The following HNRNPUL1 variants were observed in gnomAD, a reference collection of about 807,000 sequenced individuals.
HNRNPUL1 encodes heterogeneous nuclear ribonucleoprotein U like 1.
HNRNPUL1 carries 14 observed loss-of-function variants against 108.5 expected under a neutral mutation model. The ratio of observed to expected loss-of-function variants is 0.13; its 90% CI spans 0.09 to 0.20. The LOEUF is 0.20. Among genes scored for constraint, HNRNPUL1 ranks in the 10% least tolerant of loss-of-function variants. HNRNPUL1 has a pLI of 1.00. For missense variants in HNRNPUL1, 804 were observed against 1,168.3 expected (o/e 0.69, Z 4.55); for synonymous variants, 422 against 445.2 (o/e 0.95, Z 0.66).
intron 5 of HNRNPUL1, 41 bp from the exon 6 acceptor site, chr19:41,279,036 C>T (rs1052304977): frequency 6.1e-6 from 9 of 1,463,522 alleles, no homozygotes; most frequent in African/African-American, 1.4e-5. Flanking sequence ...CCTACGGCCT[C>T]CAGAGAAGCA....
intron 10 of HNRNPUL1, 61 bp from the exon 11 acceptor site, chr19:41,301,475 C>T: frequency 1.4e-6 from 2 of 1,465,836 alleles, no homozygotes; most frequent in African/African-American, 2.8e-5. Flanking sequence ...TAATACCCCT[C>T]AGAGGAAAAA....
intron 7 of HNRNPUL1, among the ~76,000 whole-genome samples, chr19:41,282,866 T>C (rs2035985414): frequency 6.8e-6 from 1 of 146,962 alleles, no homozygotes; most frequent in African/African-American, 2.5e-5. Flanking sequence ...ATTTTTTGTA[T>C]TTTTTTTTTA....
rs1215017935 is a variant in HNRNPUL1 at position 41,264,503 on chromosome 19, C to T, written c.-1C>T. ...CGGGGGCCACCCCGGGGGCCCGGGC[C>T]ATGGATGTGCGCCGTCTGAAGGTGA... On this transcript the variant is annotated 5_prime_UTR_variant, in exon 1 of 15. Transcript: ENST00000392006. 5.7e-6 allele frequency: 8 copies of T among 1,398,196 alleles called. No homozygotes were observed. The highest frequency in any genetic ancestry group is 1.5e-5 in the African/African-American group (1 of 66,410). The allele number at this position is 1,398,196 out of a possible 1,614,324, so 86.6% of individuals were successfully genotyped here. A position where few individuals can be genotyped will look rare whatever the true frequency, so the allele number is the denominator to read the frequency against.
chr19:41,289,119 G>A (rs1177295754), intron 7 of HNRNPUL1, among the ~76,000 whole-genome samples: 1 of 152,040 alleles, frequency 6.6e-6, no homozygotes. Flanking sequence ...CAGAGTATGA[G>A]GTTCTTTTGG....
At chr19:41,284,543 G>T (rs1467816168) in intron 7 of HNRNPUL1, among the ~76,000 whole-genome samples, 1 of 152,010 alleles carries the variant, frequency 6.6e-6, no homozygotes, top group Admixed American at 6.6e-5. Context: ...GGTGATGCAC[G>T]CCTGTAGTCC....
At chr19:41,281,357 T>G in intron 7 of HNRNPUL1, 82 bp downstream of exon 7, 1 of 853,474 alleles carries the variant, frequency 1.2e-6, no homozygotes, top group Non-Finnish European at 2.0e-6. Flanking sequence ...CTATCCATTG[T>G]CTGCCCCATA....
Position 41,264,807 on chromosome 19 carries a change from G to T in HNRNPUL1, c.295+9G>T, listed in dbSNP as rs2034708575. ...GGGGCCGGACGGACATTGTGAGAGT[G>T]CGCGGGGCGGGGGCCGGGGAGCCCG... On this transcript the variant is annotated intron_variant, in intron 1 of 14. Coordinates refer to ENST00000392006, the MANE Select transcript of HNRNPUL1 (RefSeq NM_007040.6). 7.4e-7 allele frequency: 1 copy of T among 1,344,924 alleles called. No homozygotes were observed. The highest frequency in any genetic ancestry group is 3.8e-5 in the Admixed American group (1 of 26,458). 83.3% of individuals were successfully genotyped at this position (1,344,924 alleles called of 1,614,324 possible). A position where few individuals can be genotyped will look rare whatever the true frequency, so the allele number is the denominator to read the frequency against.
In HNRNPUL1 at chr19:41,294,187, G is replaced by A. The variant is rs573805535; in HGVS notation, c.1267-151G>A. On this transcript the variant is annotated intron_variant, in intron 8 of 14. Coordinates refer to ENST00000392006, the MANE Select transcript of HNRNPUL1 (RefSeq NM_007040.6). The surrounding 1 kb of genome is among the most constrained non-coding windows in gnomAD (Gnocchi z 4.3). The stretch of plus-strand genomic sequence containing the variant: ...GACAAGCCTGATCTTTTTGAATCCC[G>A]ATACCAGTACTGTGAGGTAGATGGT... The A allele has an allele frequency of 2.2e-5, 17 of 773,028 alleles. No homozygotes were observed. Among genetic ancestry groups the A allele is most frequent in the East Asian group, 5.3e-5 (2 of 37,504 alleles). 47.9% of individuals were successfully genotyped at this position (773,028 alleles called of 1,614,324 possible).
At chr19:41,266,478 AT>A (rs1278190765) in intron 1 of HNRNPUL1, among the ~76,000 whole-genome samples, 3 of 141,524 alleles carry the variant, frequency 2.1e-5, no homozygotes, top group Non-Finnish European at 4.6e-5. Flanking sequence ...TTAAATACAG[AT>A]GGGGGGTCTC....
At chr19:41,293,507 G>C (rs1262938974) in intron 8 of HNRNPUL1, among the ~76,000 whole-genome samples, 9 of 152,114 alleles carry the variant, frequency 5.9e-5, no homozygotes, top group Non-Finnish European at 7.3e-5. Context: ...CTCCCCCCTA[G>C]TCGGGCATTT....
In HNRNPUL1 at chr19:41,276,301, G is replaced by C; in HGVS notation, c.786+3G>C. The C allele has an allele frequency of 1.3e-6, 2 of 1,599,824 alleles. No individual in the cohort carries two copies. The highest frequency in any genetic ancestry group is 1.7e-6 in the Non-Finnish European group (2 of 1,170,278). ...GCCGTGTATGCTTCGAGATGAAGGT[G>C]AGTAGGAGCAAGAGAAGGGGAAGGG... is the stretch of plus-strand genomic sequence containing the variant. On this transcript the variant is annotated splice_donor_region_variant and intron_variant, in intron 5 of 14. Transcript: ENST00000392006.
chr19:41,279,836 T>C (rs940914983), intron 6 of HNRNPUL1, among the ~76,000 whole-genome samples: 1 of 152,194 alleles, frequency 6.6e-6, no homozygotes, highest in African/African-American at 2.4e-5. Flanking sequence ...AACTAACCAA[T>C]GTTAACATTC....
At chr19:41,286,112 C>T (rs188910465) in intron 7 of HNRNPUL1, among the ~76,000 whole-genome samples, 158 of 151,150 alleles carry the variant, frequency 1.0e-3, no homozygotes, top group Non-Finnish European at 2.0e-3. Flanking sequence ...CTACTGATAA[C>T]ATAAACAGTC....
rs551439454 is a variant in HNRNPUL1, at chr19:41,288,445, T to C, written c.1000-3800T>C. ...TTTTAGTAGAGACAGGGTTTCACCA[T>C]GTTGGTCAGGCTGGTCTCGAACTCC... On this transcript the variant is annotated intron_variant, in intron 7 of 14. Coordinates refer to ENST00000392006, the MANE Select transcript of HNRNPUL1 (RefSeq NM_007040.6). Among the ~76,000 whole-genome samples, 447 of 152,162 alleles carry C rather than the reference T, an allele frequency of 2.9e-3. 1 individual carries two copies. Among genetic ancestry groups the C allele is most frequent in the African/African-American group, 0.01 (430 of 41,510 alleles).
At chr19:41,272,422 C>A (rs963417224) in intron 3 of HNRNPUL1, 187 bp downstream of exon 3, 4 of 573,900 alleles carry the variant, frequency 7.0e-6, no homozygotes, top group Non-Finnish European at 1.2e-5. Context: ...GTCCTTCCCC[C>A]AGTTCCTCCC....
Position 41,279,627 on chromosome 19 carries a change from G to T in HNRNPUL1, c.886+451G>T, listed in dbSNP as rs76476414. ...AGGGGCAGGGGCTGCCTATTGAAAG[G>T]TTTTGAATTTTGCGGGTCCCCAGGC... On this transcript the variant is annotated intron_variant, in intron 6 of 14. Coordinates refer to ENST00000392006, the MANE Select transcript of HNRNPUL1 (RefSeq NM_007040.6). 3.2e-3 allele frequency among the ~76,000 whole-genome samples: 481 copies of T among 152,256 alleles called. 4 individuals carry two copies. The highest frequency in any genetic ancestry group is 0.025 in the East Asian group (127 of 5,180).
intron 5 of HNRNPUL1, 196 bp downstream of exon 5, chr19:41,276,494 A>G (rs955290580): frequency 7.7e-6 from 4 of 519,712 alleles, no homozygotes; most frequent in African/African-American, 3.9e-5. Context: ...CAGGCCAACC[A>G]TGCATTGCTT....
chr19:41,273,066 GA>G (rs1438511772), intron 3 of HNRNPUL1, among the ~76,000 whole-genome samples: 6 of 152,176 alleles, frequency 3.9e-5, no homozygotes, highest in Non-Finnish European at 7.3e-5. Flanking sequence ...TTAGGACATG[GA>G]TCCCACCTCA....
At chr19:41,291,279 A>G (rs968679311) in intron 7 of HNRNPUL1, among the ~76,000 whole-genome samples, 3 of 152,156 alleles carry the variant, frequency 2.0e-5, no homozygotes, top group African/African-American at 7.2e-5. Flanking sequence ...CTGAATTATG[A>G]TAGAGTGTCC....
Sources: gnomAD v4.1 joint callset for allele counts (sites outside exome capture counted in the v4.1 genomes callset) on GRCh38, gnomAD v4.1.1 for gene constraint, Gnocchi (gnomAD v3.1) non-coding constraint, MANE v1.5 for transcripts, NCBI Gene and HGNC (gene_info 2026-07-23, HGNC 2026-07-21) for gene names.